The following USP32 variants were observed in gnomAD, a reference collection of about 807,000 sequenced individuals.
The protein encoded by USP32 is ubiquitin specific peptidase 32.
In USP32, 59 loss-of-function variants were observed where a neutral mutation model predicts 204.8. The ratio of observed to expected loss-of-function variants is 0.29; its 90% CI spans 0.23 to 0.36. The LOEUF is 0.36. Among genes scored for constraint, USP32 ranks in the 10% least tolerant of loss-of-function variants. USP32 has a pLI of 1.00. For missense variants in USP32, 1,160 were observed against 1,946.4 expected (o/e 0.60, Z 7.60); for synonymous variants, 517 against 678.4 (o/e 0.76, Z 3.70).
At chr17:60,186,636 C>A (rs115650131) in intron 29 of USP32, among the ~76,000 whole-genome samples, 4 of 152,162 alleles carry the variant, frequency 2.6e-5, no homozygotes, top group African/African-American at 9.7e-5. Context: ...CTAATACTCA[C>A]CCAAACCTTT....
chr17:60,282,962 G>T (rs180682988), intron 5 of USP32, among the ~76,000 whole-genome samples: 2 of 152,140 alleles, frequency 1.3e-5, no homozygotes, highest in East Asian at 1.9e-4. Context: ...AACTTGTGGG[G>T]GTAAACAAAA....
At chr17:60,371,671 T>C (rs2089444463) in intron 1 of USP32, among the ~76,000 whole-genome samples, 1 of 152,028 alleles carries the variant, frequency 6.6e-6, no homozygotes, top group Non-Finnish European at 1.5e-5. Flanking sequence ...TTAATCCACA[T>C]TGAGATACTA....
intron 2 of USP32, among the ~76,000 whole-genome samples, chr17:60,307,580 G>T (rs889631177): frequency 2.6e-5 from 4 of 152,140 alleles, no homozygotes; most frequent in South Asian, 4.1e-4. Context: ...AAAACTGGCA[G>T]CATCATACTA....
At chr17:60,197,387 C>G (rs1261286010) in intron 27 of USP32, among the ~76,000 whole-genome samples, 4 of 151,854 alleles carry the variant, frequency 2.6e-5, no homozygotes, top group Non-Finnish European at 5.9e-5. Flanking sequence ...GGTGGATCAC[C>G]TGAGGTTGGA....
At chr17:60,247,249 G>C (rs1372788254) in intron 11 of USP32, among the ~76,000 whole-genome samples, 1 of 151,810 alleles carries the variant, frequency 6.6e-6, no homozygotes, top group African/African-American at 2.4e-5. Flanking sequence ...GGGCAATCTC[G>C]GCTCACTGCA....
chr17:60,196,856 C>G (rs1336469897), intron 27 of USP32, among the ~76,000 whole-genome samples: 1 of 151,888 alleles, frequency 6.6e-6, no homozygotes, highest in East Asian at 1.9e-4. Context: ...AAATAAATAA[C>G]TTATTTAAGT....
At chr17:60,231,685 C>G (rs761879410) in intron 12 of USP32, 1 of 448,478 alleles carries the variant, frequency 2.2e-6, no homozygotes, top group South Asian at 1.6e-5. Flanking sequence ...TCTAAAGTTA[C>G]GTGATAACTA....
intron 4 of USP32, among the ~76,000 whole-genome samples, chr17:60,293,541 A>G (rs2087341391): frequency 6.6e-6 from 1 of 152,226 alleles, no homozygotes; most frequent in African/African-American, 2.4e-5. Flanking sequence ...TGCACCTGAC[A>G]CTTGGAAATG....
chr17:60,413,879 A>G (rs1158173484), intron 1 of USP32, among the ~76,000 whole-genome samples: 1 of 139,164 alleles, frequency 7.2e-6, no homozygotes, highest in Non-Finnish European at 1.7e-5. Flanking sequence ...AAAAAAAGAA[A>G]AAAAAAAAAA....
intron 28 of USP32, among the ~76,000 whole-genome samples, chr17:60,191,794 C>G (rs79885247): frequency 6.6e-6 from 1 of 151,928 alleles, no homozygotes; most frequent in African/African-American, 2.4e-5. Flanking sequence ...CACGCGTGAG[C>G]CACCACGCCT....
chr17:60,297,516 T>C (rs530428497), intron 3 of USP32, among the ~76,000 whole-genome samples: 1 of 151,720 alleles, frequency 6.6e-6, no homozygotes, highest in East Asian at 1.9e-4. Context: ...TGGCGCAATC[T>C]CGGCTCACTG....
At chr17:60,228,998 A>G (rs1414139681) in intron 12 of USP32, among the ~76,000 whole-genome samples, 1 of 151,886 alleles carries the variant, frequency 6.6e-6, no homozygotes, top group African/African-American at 2.4e-5. Flanking sequence ...TTTTCCATAA[A>G]CATAAATGCC....
At chr17:60,314,473 A>G (rs2087927544) in intron 2 of USP32, among the ~76,000 whole-genome samples, 1 of 151,784 alleles carries the variant, frequency 6.6e-6, no homozygotes, top group Non-Finnish European at 1.5e-5. Flanking sequence ...ATTAAACACT[A>G]CTGAATAAAA....
At chr17:60,395,079 C>G (rs978775875), upstream of USP32, among the ~76,000 whole-genome samples, 3 of 152,114 alleles carry the variant, frequency 2.0e-5, no homozygotes, top group East Asian at 3.8e-4. Flanking sequence ...ATTTGTGTAT[C>G]TAAACATAGA....
chr17:60,257,098 T>C lies in USP32; in HGVS notation c.991-1840A>G, dbSNP rs76542778. On this transcript the variant is annotated intron_variant, in intron 9 of 33. Transcript: ENST00000300896. ...TGCTGCCTGATGAGACAGAAGCCAATACTCTGATGTTGGGTTTTTGAGAAA... is the reference window on the plus strand; with the variant it reads ...TGCTGCCTGATGAGACAGAAGCCAACACTCTGATGTTGGGTTTTTGAGAAA... 376 of 193,606 alleles carry C rather than the reference T, an allele frequency of 1.9e-3. 2 individuals are homozygous for C. The highest frequency in any genetic ancestry group is 7.6e-3 in the African/African-American group (316 of 41,842). The allele number at this position is 193,606 out of a possible 1,614,324, so 12.0% of individuals were successfully genotyped here.
intron 2 of USP32, among the ~76,000 whole-genome samples, chr17:60,327,749 C>A (rs2145957752): frequency 6.6e-6 from 1 of 152,344 alleles, no homozygotes; most frequent in Non-Finnish European, 1.5e-5. Flanking sequence ...CCCCTGCAGG[C>A]TCAGGAATGT....
chr17:60,322,345 C>A (rs1173285262), intron 2 of USP32, among the ~76,000 whole-genome samples: 1 of 152,006 alleles, frequency 6.6e-6, no homozygotes, highest in Non-Finnish European at 1.5e-5. Flanking sequence ...AGATATTGTT[C>A]TTAAATCAAT....
At position 60,178,355 on chromosome 17, in the gene USP32, C is replaced by A. The variant is rs1429401619; in HGVS notation, c.*900G>T. 1.3e-5 allele frequency among the ~76,000 whole-genome samples: 2 copies of A among 152,222 alleles called. No individual in the cohort carries two copies. The highest frequency in any genetic ancestry group is 4.8e-5 in the African/African-American group (2 of 41,446). On this transcript the variant is annotated 3_prime_UTR_variant, in exon 34 of 34. Coordinates refer to ENST00000300896, the MANE Select transcript of USP32 (RefSeq NM_032582.4). ...TCTAGCTCCAATGCCACTTACCTTC[C>A]CAGAAGCTCTTGTTGCAACAGGTGC...
chr17:60,192,466 G>A (rs115933168), intron 28 of USP32, among the ~76,000 whole-genome samples: 4,133 of 152,136 alleles, frequency 0.027, 194 homozygotes, highest in African/African-American at 0.094. Flanking sequence ...ACGGAGTTTC[G>A]CTCTTGTTGC....
Sources: allele counts gnomAD v4.1 joint callset (sites outside exome capture counted in the v4.1 genomes callset), GRCh38; gene constraint gnomAD v4.1.1; transcripts MANE v1.5; gene names NCBI Gene and HGNC (gene_info 2026-07-23, HGNC 2026-07-21).